ERI3: variants seen among roughly 807,000 people sequenced by gnomAD.
The protein encoded by ERI3 is ERI1 exoribonuclease 3.
ERI3 carries 18 observed loss-of-function variants against 44.4 expected under a neutral mutation model. That is an observed-to-expected ratio of 0.41 (90% CI 0.28 to 0.60). ERI3 has a LOEUF of 0.60. Among genes scored for constraint, ERI3 ranks in the 20% least tolerant of loss-of-function variants. The pLI, the probability that ERI3 is intolerant of heterozygous loss-of-function variation, is 0.36. For synonymous variants in ERI3, 183 were observed against 164.8 expected (o/e 1.11, Z -0.84); for missense variants, 294 against 435.5 (o/e 0.68, Z 2.89).
intron 7 of ERI3, among the ~76,000 whole-genome samples, chr1:44,248,761 T>C (rs544715081): frequency 1.8e-4 from 27 of 151,716 alleles, no homozygotes; most frequent in Admixed American, 1.1e-3. Context: ...GAAGGTCAAG[T>C]GCTCACTTAT....
chr1:44,334,317 C>T lies in ERI3; in HGVS notation c.489+4728G>A, dbSNP rs530143793. Among the ~76,000 whole-genome samples, 62 of 152,306 alleles carry T rather than the reference C, an allele frequency of 4.1e-4. 2 individuals are homozygous for T. The South Asian group carries it at 0.01, about 25-fold the overall frequency. ...TGAACTTGCCCCAAGGTTAAAGATG[C>T]ACAATTAAAGATCCCACCAAAGCTT... On this transcript the variant is annotated intron_variant, in intron 3 of 8. Transcript: ENST00000372257.
At chr1:44,323,449 T>A (rs755570819) in intron 3 of ERI3, among the ~76,000 whole-genome samples, 4 of 152,234 alleles carry the variant, frequency 2.6e-5, no homozygotes, top group Non-Finnish European at 4.4e-5. Context: ...ACAGGTTACA[T>A]CATCATCACC....
intron 8 of ERI3, among the ~76,000 whole-genome samples, chr1:44,240,167 G>C (rs1053740408): frequency 3.3e-5 from 5 of 152,186 alleles, no homozygotes; most frequent in African/African-American, 4.8e-5. Flanking sequence ...CCGTGTGCTG[G>C]GACACACTTC....
chr1:44,339,355 A>G lies in ERI3; in HGVS notation c.212-33T>C, dbSNP rs566532478. 288 of 1,481,468 alleles carry G rather than the reference A, an allele frequency of 1.9e-4. No individual in the cohort carries two copies. The African/African-American group carries it at 2.9e-3, about 15-fold the overall frequency. 91.8% of individuals were successfully genotyped at this position (1,481,468 alleles called of 1,614,324 possible). A position where few individuals can be genotyped will look rare whatever the true frequency, so the allele number is the denominator to read the frequency against. ...GAGGAAAGTTTAAAAAAAAAAAAAAAAAAGAAAAGAAAGAAAAAAAAAAAA... is the reference window on the plus strand; with the variant it reads ...GAGGAAAGTTTAAAAAAAAAAAAAAGAAAGAAAAGAAAGAAAAAAAAAAAA... On this transcript the variant is annotated intron_variant, in intron 2 of 8. Coordinates refer to ENST00000372257, the MANE Select transcript of ERI3 (RefSeq NM_024066.3).
intron 7 of ERI3, among the ~76,000 whole-genome samples, chr1:44,262,041 C>T (rs934504031): frequency 1.3e-5 from 2 of 152,202 alleles, no homozygotes; most frequent in Admixed American, 6.5e-5. Flanking sequence ...ACCTTAGGCT[C>T]CAGACAGTGC....
rs944583454 is a variant in ERI3, at chr1:44,228,905, C to T, written c.932-7265G>A. On this transcript the variant is annotated intron_variant, in intron 8 of 8. Coordinates refer to ENST00000372257, the MANE Select transcript of ERI3 (RefSeq NM_024066.3). The surrounding 1 kb of genome is among the most constrained non-coding windows in gnomAD (Gnocchi z 4.3). ...CCCAAGACAAACCCTTATCCAGACT[C>T]CCAGGCCTGGCAGGACATGTCAACG... Among the ~76,000 whole-genome samples, 3 of 152,222 alleles carry T rather than the reference C, an allele frequency of 2.0e-5. No homozygotes were observed. Among genetic ancestry groups the T allele is most frequent in the African/African-American group, 7.2e-5 (3 of 41,458 alleles).
intron 8 of ERI3, among the ~76,000 whole-genome samples, chr1:44,224,637 A>C (rs544306955): frequency 2.6e-5 from 4 of 152,238 alleles, no homozygotes; most frequent in Non-Finnish European, 5.9e-5. Context: ...AAGAAAAGGC[A>C]AGGAAGCTAG....
At chr1:44,319,527 T>C (rs371954493) in intron 4 of ERI3, 101 bp downstream of exon 4, 33 of 748,446 alleles carry the variant, frequency 4.4e-5, no homozygotes, top group Middle Eastern at 3.8e-4. Flanking sequence ...GCCTTAAGGA[T>C]TGATAAGCCC....
intron 7 of ERI3, among the ~76,000 whole-genome samples, chr1:44,281,551 G>A (rs1439768563): frequency 7.1e-6 from 1 of 140,990 alleles, no homozygotes; most frequent in Non-Finnish European, 1.5e-5. Context: ...TTATACTACC[G>A]CATTCTAGCC....
intron 6 of ERI3, among the ~76,000 whole-genome samples, chr1:44,294,437 G>A (rs2154325082): frequency 6.6e-6 from 1 of 152,266 alleles, no homozygotes; most frequent in East Asian, 1.9e-4. Context: ...AACACGCTGT[G>A]GAACCATATG....
chr1:44,281,634 T>C (rs1645289290), intron 7 of ERI3, among the ~76,000 whole-genome samples: 1 of 146,490 alleles, frequency 6.8e-6, no homozygotes, highest in Non-Finnish European at 1.5e-5. Flanking sequence ...TATATATTCA[T>C]TTATCGATGA....
At chr1:44,321,025 T>C (rs1441544684) in intron 3 of ERI3, among the ~76,000 whole-genome samples, 1 of 152,098 alleles carries the variant, frequency 6.6e-6, no homozygotes, top group South Asian at 2.1e-4. Context: ...AGAGACAGCC[T>C]GGAGAAGCAA....
chr1:44,321,122 G>A (rs1318732964), intron 3 of ERI3, among the ~76,000 whole-genome samples: 1 of 152,202 alleles, frequency 6.6e-6, no homozygotes. Flanking sequence ...TGATGTCCCA[G>A]GAAAGCCAGG....
intron 2 of ERI3, 88 bp downstream of exon 2, chr1:44,352,762 A>G: frequency 1.4e-6 from 2 of 1,424,966 alleles, no homozygotes; most frequent in Middle Eastern, 1.8e-4. Flanking sequence ...AAAAAATACA[A>G]TCTGCATCAG....
At chr1:44,248,139 A>C in intron 7 of ERI3, 101 bp from the exon 8 acceptor site, 1 of 699,080 alleles carries the variant, frequency 1.4e-6, no homozygotes, top group Non-Finnish European at 2.4e-6. Flanking sequence ...CCAACAAGGA[A>C]TCCCTCTCAT....
rs957599259 is a variant in ERI3, at chr1:44,252,362, C to T, written c.832-4324G>A. Among the ~76,000 whole-genome samples, 5 of 152,240 alleles carry T rather than the reference C, an allele frequency of 3.3e-5. No individual in the cohort carries two copies. Among genetic ancestry groups the T allele is most frequent in the Admixed American group, 1.3e-4 (2 of 15,286 alleles). The stretch of plus-strand genomic sequence containing the variant: ...GGCTCTCCCCTCTCGTGGCTCTGCC[C>T]GCCTTGGCTGCTGCCCCATTAGCTT... On this transcript the variant is annotated intron_variant, in intron 7 of 8. Coordinates refer to ENST00000372257, the MANE Select transcript of ERI3 (RefSeq NM_024066.3). The surrounding 1 kb of genome is among the most constrained non-coding windows in gnomAD (Gnocchi z 4.7).
intron 6 of ERI3, among the ~76,000 whole-genome samples, chr1:44,289,900 C>T (rs775921998): frequency 4.6e-5 from 7 of 152,226 alleles, no homozygotes; most frequent in African/African-American, 7.2e-5. Context: ...TGAGGTCTGC[C>T]GGACAGACTG....
At chr1:44,270,293 A>G (rs990946878) in intron 7 of ERI3, among the ~76,000 whole-genome samples, 4 of 152,152 alleles carry the variant, frequency 2.6e-5, no homozygotes, top group African/African-American at 9.7e-5. Flanking sequence ...TTTCTACAGT[A>G]TTTATGCCTC....
At chr1:44,313,251 G>A (rs886540984) in intron 4 of ERI3, 23 bp from the exon 5 acceptor site, 24 of 1,612,864 alleles carry the variant, frequency 1.5e-5, no homozygotes, top group Middle Eastern at 3.4e-4. Flanking sequence ...AGAAATAGCC[G>A]ATGGGTAGAA....
Sources: gnomAD v4.1 joint callset for allele counts (sites outside exome capture counted in the v4.1 genomes callset) on GRCh38, gnomAD v4.1.1 for gene constraint, Gnocchi (gnomAD v3.1) non-coding constraint, MANE v1.5 for transcripts, NCBI Gene and HGNC (gene_info 2026-07-23, HGNC 2026-07-21) for gene names.